Variants in JMJD1C observed in about 807,000 individuals in gnomAD.
JMJD1C encodes the protein jumonji domain containing 1C.
JMJD1C carries 31 observed loss-of-function variants against 245.3 expected under a neutral mutation model. That is an observed-to-expected ratio of 0.13 (90% confidence interval 0.09 to 0.17). The LOEUF (loss-of-function observed/expected upper bound fraction) is 0.17, where lower values mean the gene tolerates loss of function less well. Ranked by LOEUF, JMJD1C falls within the 10% of genes least tolerant of loss-of-function variation. The pLI, the probability that JMJD1C is intolerant of heterozygous loss-of-function variation, is 1.00. For synonymous variants in JMJD1C, 1,057 were observed against 1,017.4 expected, an observed-to-expected ratio of 1.04 and a Z score of -0.74; for missense variants, 2,691 against 3,000.2, an observed-to-expected ratio of 0.90 and a Z score of 2.41.
intron 2 of JMJD1C, among the ~76,000 whole-genome samples, chr10:63,376,474 A>G (rs890075688): frequency 2.0e-5 from 3 of 152,218 alleles, no homozygotes; most frequent in Non-Finnish European, 4.4e-5. Flanking sequence ...CTGCTAACAC[A>G]GTAAAAAGGC....
intron 2 of JMJD1C, among the ~76,000 whole-genome samples, chr10:63,357,822 G>GACACAC (rs1344672220): frequency 2.3e-4 from 16 of 70,798 alleles, no homozygotes; most frequent in East Asian, 5.1e-4. Flanking sequence ...GACACAGACA[G>GACACAC]ACAGACACAC....
intron 2 of JMJD1C, among the ~76,000 whole-genome samples, chr10:63,378,377 G>T (rs990118698): frequency 6.6e-6 from 1 of 152,076 alleles, no homozygotes; most frequent in Non-Finnish European, 1.5e-5. Context: ...GGATCACGAG[G>T]TCAGGAGATC....
At chr10:63,440,351 A>AT (rs541868337) in intron 1 of JMJD1C, among the ~76,000 whole-genome samples, 5,547 of 67,636 alleles carry the variant, frequency 0.082, 113 homozygotes, top group Non-Finnish European at 0.12. Context: ...AAAAAAAAAA[A>AT]AAATATATAT....
At chr10:63,414,487 A>G (rs1031337743) in intron 1 of JMJD1C, among the ~76,000 whole-genome samples, 4 of 152,042 alleles carry the variant, frequency 2.6e-5, no homozygotes, top group African/African-American at 4.8e-5. Context: ...AATTTTCTCA[A>G]CTCTCATAAT....
At chr10:63,374,478 A>G (rs773852139) in intron 2 of JMJD1C, among the ~76,000 whole-genome samples, 2 of 152,234 alleles carry the variant, frequency 1.3e-5, no homozygotes, top group Non-Finnish European at 2.9e-5. Context: ...AAACACCCCA[A>G]CACTGACTGA....
intron 24 of JMJD1C, among the ~76,000 whole-genome samples, chr10:63,172,308 C>T (rs1469054828): frequency 6.6e-6 from 1 of 152,050 alleles, no homozygotes; most frequent in Non-Finnish European, 1.5e-5. Flanking sequence ...CCTAAGTAAA[C>T]TTTTGGAAGT....
At chr10:63,510,938 C>A (rs1954854907) in intron 1 of JMJD1C, among the ~76,000 whole-genome samples, 1 of 152,144 alleles carries the variant, frequency 6.6e-6, no homozygotes, top group Admixed American at 6.6e-5. Context: ...GTCATTACGT[C>A]CTATTTATCC....
chr10:63,402,149 A>AAAG (rs375334790), intron 1 of JMJD1C, among the ~76,000 whole-genome samples: 72 of 152,038 alleles, frequency 4.7e-4, no homozygotes, highest in African/African-American at 1.7e-3. Flanking sequence ...AAAAGAAAAA[A>AAAG]AAACAAAAAA....
chr10:63,331,594 C>G (rs1197134620), intron 2 of JMJD1C, among the ~76,000 whole-genome samples: 1 of 152,130 alleles, frequency 6.6e-6, no homozygotes, highest in Non-Finnish European at 1.5e-5. Context: ...AACAGAATGT[C>G]AGAGAAGTTC....
At chr10:63,224,187 C>T (rs899465320) in intron 3 of JMJD1C, among the ~76,000 whole-genome samples, 2 of 152,168 alleles carry the variant, frequency 1.3e-5, no homozygotes, top group Non-Finnish European at 2.9e-5. Flanking sequence ...AATTGAGTCC[C>T]TTTACTGATA....
chr10:63,194,152 C>T (rs1845177169), intron 14 of JMJD1C, 134 bp downstream of exon 14: 2 of 640,774 alleles, frequency 3.1e-6, no homozygotes, highest in East Asian at 2.7e-5. Context: ...AGAGGATTTC[C>T]AATAACTGAG....
At chr10:63,303,172 G>T (rs1424984883) in intron 2 of JMJD1C, among the ~76,000 whole-genome samples, 1 of 152,200 alleles carries the variant, frequency 6.6e-6, no homozygotes, top group Non-Finnish European at 1.5e-5. Flanking sequence ...TTGAACTAAT[G>T]ATTTAAAACT....
intron 2 of JMJD1C, among the ~76,000 whole-genome samples, chr10:63,287,688 C>A (rs2133921055): frequency 6.6e-6 from 1 of 152,092 alleles, no homozygotes; most frequent in Non-Finnish European, 1.5e-5. Context: ...CTTAGAATAC[C>A]CTGTAATTAT....
intron 3 of JMJD1C, among the ~76,000 whole-genome samples, chr10:63,262,761 C>A (rs964338826): frequency 6.6e-6 from 1 of 152,142 alleles, no homozygotes; most frequent in Non-Finnish European, 1.5e-5. Flanking sequence ...ATACAATTCA[C>A]TAAACTGCGT....
chr10:63,197,410 C>T lies in JMJD1C; in HGVS notation c.5644+1G>A. On this transcript the variant is annotated splice_donor_variant, in intron 13 of 25. Transcript: ENST00000399262. LOFTEE classifies it high-confidence loss of function. Reference sequence around the variant, plus strand: ...CAATTTATATAAACTTATACACCAACCTCTAGAACTCTTCCTTTCCTTTGC... The same window carrying T: ...CAATTTATATAAACTTATACACCAATCTCTAGAACTCTTCCTTTCCTTTGC... 6.2e-7 allele frequency: 1 copy of T among 1,612,128 alleles called. No individual in the cohort carries two copies. The highest frequency in any genetic ancestry group is 8.5e-7 in the Non-Finnish European group (1 of 1,179,282).
chr10:63,170,538 A>AC (rs1194830270), intron 24 of JMJD1C, among the ~76,000 whole-genome samples: 1 of 152,198 alleles, frequency 6.6e-6, no homozygotes, highest in Non-Finnish European at 1.5e-5. Flanking sequence ...CAGTTACCTA[A>AC]CAGAGATTTC....
chr10:63,438,168 T>A (rs1403972338), intron 1 of JMJD1C, among the ~76,000 whole-genome samples: 5 of 152,154 alleles, frequency 3.3e-5, no homozygotes, highest in Non-Finnish European at 7.3e-5. Context: ...ATCCCCAGTA[T>A]TATTACCGCT....
chr10:63,223,144 ACC>A (rs748748321), intron 3 of JMJD1C: 1 of 602,910 alleles, frequency 1.7e-6, no homozygotes, highest in Non-Finnish European at 2.8e-6. Context: ...AAAAAAAAAA[ACC>A]CAAACAAACA....
At chr10:63,188,548 G>T (rs1463840679) in intron 18 of JMJD1C, among the ~76,000 whole-genome samples, 1 of 152,136 alleles carries the variant, frequency 6.6e-6, no homozygotes, top group East Asian at 1.9e-4. Context: ...ACATTTTCCA[G>T]AAAACAATAA....
Sources: gnomAD v4.1 joint callset for allele counts (sites outside exome capture counted in the v4.1 genomes callset) on GRCh38, gnomAD v4.1.1 for gene constraint, MANE v1.5 for transcripts, NCBI Gene and HGNC (gene_info 2026-07-23, HGNC 2026-07-21) for gene names.